SMCHD1: variants seen among roughly 807,000 people sequenced by gnomAD.
SMCHD1 encodes the protein structural maintenance of chromosomes flexible hinge domain-containing protein 1.
In SMCHD1, 78 loss-of-function variants were observed where a neutral mutation model predicts 254.7. The observed-to-expected ratio is 0.31, with a 90% CI of 0.26 to 0.37. The LOEUF is 0.37. Ranked by LOEUF, SMCHD1 falls within the 10% of genes least tolerant of loss-of-function variation. SMCHD1 has a pLI of 1.00. For missense variants in SMCHD1, 1,840 were observed against 2,408.1 expected (o/e 0.76, Z 4.94); for synonymous variants, 766 against 794.9 (o/e 0.96, Z 0.61).
At position 2,756,911 on chromosome 18, in the gene SMCHD1, C is replaced by CT. The variant is rs565664536; in HGVS notation, c.4347-3740dup. On this transcript the variant is annotated intron_variant, in intron 34 of 47. Coordinates refer to ENST00000320876, the MANE Select transcript of SMCHD1 (RefSeq NM_015295.3). ...TCTCATTCTTGACACTATTTGTACT[C>CT]TCTTGTGGCTTGATTAATCGTAGTA... Among the ~76,000 whole-genome samples the CT allele has an allele frequency of 2.6e-3, 394 of 152,240 alleles. 3 individuals carry two copies. Among genetic ancestry groups the CT allele is most frequent in the African/African-American group, 8.7e-3 (361 of 41,548 alleles).
intron 41 of SMCHD1, among the ~76,000 whole-genome samples, chr18:2,775,092 TTTTTTTTG>T (rs1327743715): frequency 1.4e-5 from 2 of 140,866 alleles, no homozygotes; most frequent in East Asian, 4.1e-4. Flanking sequence ...TTTTTTTTTT[TTTTTTTTG>T]GAGACAGGGT....
chr18:2,702,741 A>G (rs2074431762), intron 12 of SMCHD1, among the ~76,000 whole-genome samples: 1 of 152,242 alleles, frequency 6.6e-6, no homozygotes, highest in South Asian at 2.1e-4. Flanking sequence ...AAATTTATTA[A>G]TAACTAAGAT....
chr18:2,731,368 T>C (rs867362823), intron 24 of SMCHD1, among the ~76,000 whole-genome samples: 9 of 152,232 alleles, frequency 5.9e-5, no homozygotes, highest in African/African-American at 1.7e-4. Context: ...TAAAATCAAT[T>C]TATATAGCAT....
At chr18:2,706,523 G>A in intron 15 of SMCHD1, 53 bp downstream of exon 15, 1 of 1,246,962 alleles carries the variant, frequency 8.0e-7, no homozygotes, top group East Asian at 2.5e-5. Context: ...GGAAAGAATT[G>A]TGCTGTAAGT....
At chr18:2,659,127 A>T (rs139852963) in intron 1 of SMCHD1, among the ~76,000 whole-genome samples, 160 of 151,850 alleles carry the variant, frequency 1.1e-3, no homozygotes, top group African/African-American at 3.1e-3. Context: ...TTATTTATTT[A>T]TTTTTTTTGA....
At chr18:2,689,510 C>G (rs760243471) in intron 7 of SMCHD1, among the ~76,000 whole-genome samples, 3 of 151,564 alleles carry the variant, frequency 2.0e-5, no homozygotes, top group Admixed American at 6.6e-5. Flanking sequence ...CGTGAGCCAC[C>G]GCGCCCAGCC....
chr18:2,760,369 T>C (rs2075764488), intron 34 of SMCHD1: 1 of 216,530 alleles, frequency 4.6e-6, no homozygotes, highest in South Asian at 1.4e-4. Flanking sequence ...AATTCAGCAT[T>C]TTTTACGTAT....
intron 34 of SMCHD1, among the ~76,000 whole-genome samples, chr18:2,757,266 C>T (rs560032781): frequency 1.2e-4 from 18 of 152,146 alleles, no homozygotes; most frequent in Admixed American, 1.0e-3. Flanking sequence ...GCTGGAGGGC[C>T]ATGGTGTGAT....
At chr18:2,682,095 A>G (rs149587146) in intron 5 of SMCHD1, among the ~76,000 whole-genome samples, 1 of 152,220 alleles carries the variant, frequency 6.6e-6, no homozygotes, top group African/African-American at 2.4e-5. Context: ...TATGTCTGGC[A>G]CATTTATTCT....
rs1298092178 is a variant in SMCHD1 at position 2,775,714 on chromosome 18, T to C, written c.5176-20T>C. 27 of 1,582,902 alleles carry C rather than the reference T, an allele frequency of 1.7e-5. No homozygotes were observed. Among genetic ancestry groups the C allele is most frequent in the Non-Finnish European group, 2.2e-5 (26 of 1,167,118 alleles). The stretch of plus-strand genomic sequence containing the variant: ...ATATATGGATTTTATATTTTTTTAC[T>C]TTATGAAAATGGGTTATAGATTGCA... On this transcript the variant is annotated intron_variant, in intron 41 of 47. Coordinates refer to ENST00000320876, the MANE Select transcript of SMCHD1 (RefSeq NM_015295.3).
At chr18:2,667,387 A>G (rs796676197) in intron 3 of SMCHD1, among the ~76,000 whole-genome samples, 20 of 152,324 alleles carry the variant, frequency 1.3e-4, no homozygotes, top group African/African-American at 4.6e-4. Context: ...GCAAATACAT[A>G]TAGCTAGGTT....
intron 44 of SMCHD1, among the ~76,000 whole-genome samples, chr18:2,780,995 G>A (rs1252142396): frequency 2.6e-5 from 4 of 152,220 alleles, no homozygotes; most frequent in Non-Finnish European, 4.4e-5. Context: ...AACCTGGAGA[G>A]ACAAACAGAA....
At chr18:2,763,212 A>C (rs12959881) in intron 36 of SMCHD1, among the ~76,000 whole-genome samples, 45,276 of 152,054 alleles carry the variant, frequency 0.3, 6,943 homozygotes, top group East Asian at 0.5. Context: ...GTCTTTGAAT[A>C]TCATATAAGC....
intron 5 of SMCHD1, among the ~76,000 whole-genome samples, chr18:2,679,593 G>C (rs1374531447): frequency 6.7e-6 from 1 of 150,048 alleles, no homozygotes; most frequent in Non-Finnish European, 1.5e-5. Flanking sequence ...CAAATTAGCT[G>C]TTAATCTTTT....
chr18:2,739,524 A>G lies in SMCHD1; in HGVS notation c.3514+4A>G, dbSNP rs754405751. 6.2e-5 allele frequency: 99 copies of G among 1,606,300 alleles called. 1 individual carries two copies. The highest frequency in any genetic ancestry group is 4.5e-4 in the Admixed American group (26 of 58,080). The stretch of plus-strand genomic sequence containing the variant: ...CAAGAGCTTCAAGGAGAAGTAGGTT[A>G]GTATGGCTTGCTTTAAAAAACAAAC... On this transcript the variant is annotated splice_donor_region_variant and intron_variant, in intron 27 of 47. Coordinates refer to ENST00000320876, the MANE Select transcript of SMCHD1 (RefSeq NM_015295.3).
chr18:2,747,775 G>A, intron 30 of SMCHD1, 128 bp downstream of exon 30: 2 of 844,078 alleles, frequency 2.4e-6, no homozygotes, highest in African/African-American at 1.7e-5. Flanking sequence ...ATTGCTTAGT[G>A]TAAATAAACC....
chr18:2,655,935 C>G lies in SMCHD1; in HGVS notation c.-141C>G. 1 of 562,922 alleles carries G rather than the reference C, an allele frequency of 1.8e-6. No homozygotes were observed. The highest frequency in any genetic ancestry group is 2.6e-6 in the Non-Finnish European group (1 of 380,832). The allele number at this position is 562,922 out of a possible 1,614,324, so 34.9% of individuals were successfully genotyped here. A position where few individuals can be genotyped will look rare whatever the true frequency, so the allele number is the denominator to read the frequency against. On this transcript the variant is annotated 5_prime_UTR_variant, in exon 1 of 48. Coordinates refer to ENST00000320876, the MANE Select transcript of SMCHD1 (RefSeq NM_015295.3). ...GCGCCTGCCGCTGCTCGGCCGCCGC[C>G]GCTGACGAGGAGCTGCAGCGCGCCG... is the stretch of plus-strand genomic sequence containing the variant.
chr18:2,699,115 C>G (rs1376506407), intron 10 of SMCHD1, among the ~76,000 whole-genome samples: 2 of 152,124 alleles, frequency 1.3e-5, no homozygotes, highest in Admixed American at 1.3e-4. Flanking sequence ...GGCCTGCAAC[C>G]AGAGATCCTG....
chr18:2,761,261 A>G (rs1184619534), intron 35 of SMCHD1, among the ~76,000 whole-genome samples: 1 of 152,156 alleles, frequency 6.6e-6, no homozygotes, highest in Non-Finnish European at 1.5e-5. Context: ...GGGATTGCAA[A>G]AGAGGGGAAA....
Sources: gnomAD v4.1 joint callset for allele counts (sites outside exome capture counted in the v4.1 genomes callset) on GRCh38, gnomAD v4.1.1 for gene constraint, MANE v1.5 for transcripts, NCBI Gene and HGNC (gene_info 2026-07-23, HGNC 2026-07-21) for gene names.